ARHGAP32: variants seen among roughly 807,000 people sequenced by gnomAD.
The protein encoded by ARHGAP32 is Rho GTPase activating protein 32, also known as rho GTPase-activating protein 32.
A neutral mutation model predicts 186.5 loss-of-function variants in ARHGAP32; 51 were observed. That is an observed-to-expected ratio of 0.27 (90% CI 0.22 to 0.35). The LOEUF (loss-of-function observed/expected upper bound fraction) is 0.35, where lower values mean the gene tolerates loss of function less well. ARHGAP32 is among the 10% of genes least tolerant of loss of function. The pLI, the probability that ARHGAP32 is intolerant of heterozygous loss-of-function variation, is 1.00. For synonymous variants in ARHGAP32, 950 were observed against 964.3 expected, an observed-to-expected ratio of 0.99 and a Z score of 0.27; for missense variants, 2,186 against 2,623.5, an observed-to-expected ratio of 0.83 and a Z score of 3.64.
At chr11:129,107,697 C>T (rs1026682026) in intron 5 of ARHGAP32, among the ~76,000 whole-genome samples, 1 of 151,876 alleles carries the variant, frequency 6.6e-6, no homozygotes, top group Non-Finnish European at 1.5e-5. Flanking sequence ...GGAGAAACCC[C>T]GTCTCTACTA....
At chr11:129,033,336 C>T (rs79006599) in intron 11 of ARHGAP32, among the ~76,000 whole-genome samples, 2,059 of 152,190 alleles carry the variant, frequency 0.014, 21 homozygotes, top group South Asian at 0.031. Flanking sequence ...ATAGATAATG[C>T]CAATGATTGT....
At chr11:129,191,338 G>A (rs1218621779) in intron 1 of ARHGAP32, among the ~76,000 whole-genome samples, 1 of 152,114 alleles carries the variant, frequency 6.6e-6, no homozygotes, top group Non-Finnish European at 1.5e-5. Flanking sequence ...AAAAAGAAAA[G>A]CCAGAATAAA....
At chr11:129,064,816 TC>T (rs1192191144) in intron 8 of ARHGAP32, 24 bp downstream of exon 8, 1 of 1,520,376 alleles carries the variant, frequency 6.6e-7, no homozygotes, top group South Asian at 1.2e-5. Flanking sequence ...TATACATTTT[TC>T]ATGAAAAGTG....
rs897748919 is a variant in ARHGAP32 at position 128,968,721 on chromosome 11, T to C, written c.*186A>G. 8.6e-6 allele frequency: 4 copies of C among 463,706 alleles called. No homozygotes were observed. Among genetic ancestry groups the C allele is most frequent in the Non-Finnish European group, 1.4e-5 (4 of 281,606 alleles). 28.7% of individuals were successfully genotyped at this position (463,706 alleles called of 1,614,324 possible). ...CTAAAGACAAAAATGACAAAGTCTA[T>C]AGATGGAAGAGGGGGTAATGAAGCA... On this transcript the variant is annotated 3_prime_UTR_variant, in exon 23 of 23. Transcript: ENST00000682385.
intron 1 of ARHGAP32, among the ~76,000 whole-genome samples, chr11:129,236,599 T>C: frequency 6.6e-6 from 1 of 152,218 alleles, no homozygotes. Context: ...TCATGATGTC[T>C]TTGCATCCTG....
intron 1 of ARHGAP32, among the ~76,000 whole-genome samples, chr11:129,269,489 G>A (rs1461940968): frequency 2.6e-5 from 4 of 152,102 alleles, no homozygotes. Context: ...CACTTTGAGA[G>A]GCTGAGGCAG....
In ARHGAP32 at chr11:128,980,712, G is replaced by A; in HGVS notation, c.1817C>T (p.Ser606Phe). 6.2e-7 allele frequency: 1 copy of A among 1,613,768 alleles called. No homozygotes were observed. The highest frequency in any genetic ancestry group is 8.5e-7 in the Non-Finnish European group (1 of 1,179,808). ...CAATGTCAGCAGTTTGGTGGATGGAGAGGATACCAGGAGGGACTTGGGCCT... is the reference window on the plus strand; with the variant it reads ...CAATGTCAGCAGTTTGGTGGATGGAAAGGATACCAGGAGGGACTTGGGCCT... The part of the protein sequence containing the change: ...LSRPKSLLVS[S>F]PSTKLLTLEE... The change falls in exon 18 of 23, where the codon TCT (serine) becomes TTT (phenylalanine). Residue 606 changes from serine to phenylalanine, a missense_variant. Ser to Phe is a radical substitution (Grantham distance 155). This residue lies in a region of ARHGAP32 where 263 missense variants were observed against 323.5 expected (regional missense o/e 0.81). Coordinates refer to ENST00000682385, the MANE Select transcript of ARHGAP32 (RefSeq NM_001378024.1).
chr11:129,143,165 A>G (rs1943097515), intron 2 of ARHGAP32, among the ~76,000 whole-genome samples: 1 of 151,124 alleles, frequency 6.6e-6, no homozygotes. Context: ...AGTTTCCTGC[A>G]GTTTAACCAT....
At chr11:129,040,186 C>G (rs1939535235) in intron 11 of ARHGAP32, among the ~76,000 whole-genome samples, 1 of 151,446 alleles carries the variant, frequency 6.6e-6, no homozygotes, top group Non-Finnish European at 1.5e-5. Flanking sequence ...ATAAGGTAAA[C>G]AGTTCAAATT....
chr11:129,208,929 C>A (rs991540463), intron 1 of ARHGAP32, among the ~76,000 whole-genome samples: 30 of 151,932 alleles, frequency 2.0e-4, no homozygotes, highest in Admixed American at 1.8e-3. Context: ...CACTATAATC[C>A]TTCAATAACT....
At chr11:129,095,585 G>A (rs1225738809) in intron 5 of ARHGAP32, among the ~76,000 whole-genome samples, 1 of 152,172 alleles carries the variant, frequency 6.6e-6, no homozygotes, top group Non-Finnish European at 1.5e-5. Context: ...TGGGAGCAGG[G>A]CAGTGAAACA....
intron 11 of ARHGAP32, among the ~76,000 whole-genome samples, chr11:129,022,603 T>C (rs1938643666): frequency 6.6e-6 from 1 of 152,226 alleles, no homozygotes. Flanking sequence ...AAGGTTACTA[T>C]GATGCTTACA....
rs1945202069 is a variant in ARHGAP32, at chr11:128,965,473, GCTAT to G, written c.*3430_*3433del. 2 of 152,140 alleles carry G rather than the reference GCTAT, an allele frequency of 1.3e-5. No individual in the cohort carries two copies. The highest frequency in any genetic ancestry group is 4.8e-5 in the African/African-American group (2 of 41,426). 9.4% of individuals were successfully genotyped at this position (152,140 alleles called of 1,614,324 possible). ...GGTCATGGTTGAAAAATCAGGTTTT[GCTAT>G]CTCAGAATCTAAACTGTAAAACCAT... On this transcript the variant is annotated 3_prime_UTR_variant, in exon 23 of 23. Transcript: ENST00000682385.
chr11:129,079,337 G>A (rs960162379), intron 6 of ARHGAP32, among the ~76,000 whole-genome samples: 7 of 152,082 alleles, frequency 4.6e-5, no homozygotes, highest in Admixed American at 1.3e-4. Context: ...AACCATAAGA[G>A]CTGTGAGGCA....
At chr11:129,093,780 T>C (rs1941651530) in intron 5 of ARHGAP32, 73 bp from the exon 6 acceptor site, 1 of 1,029,856 alleles carries the variant, frequency 9.7e-7, no homozygotes, top group Non-Finnish European at 1.5e-6. Flanking sequence ...TAAGCATTCA[T>C]AATACCTGGA....
At chr11:129,099,897 AG>A (rs1264597292) in intron 5 of ARHGAP32, among the ~76,000 whole-genome samples, 1 of 152,032 alleles carries the variant, frequency 6.6e-6, no homozygotes, top group Non-Finnish European at 1.5e-5. Context: ...GCTAGGCTGA[AG>A]GGGGAGAAAG....
At chr11:129,232,892 T>A (rs1944877188) in intron 1 of ARHGAP32, among the ~76,000 whole-genome samples, 1 of 152,180 alleles carries the variant, frequency 6.6e-6, no homozygotes, top group African/African-American at 2.4e-5. Context: ...AACTTCTCTT[T>A]TACTTCCCTC....
chr11:129,063,089 GT>G lies in ARHGAP32; in HGVS notation c.886-733del, dbSNP rs144635858. On this transcript the variant is annotated intron_variant, in intron 9 of 22. Coordinates refer to ENST00000682385, the MANE Select transcript of ARHGAP32 (RefSeq NM_001378024.1). ...ATGCTGATATCTATGATAAAACATA[GT>G]TAAGAACTTCAGAGCAATGTTACTA... 4.5e-4 allele frequency among the ~76,000 whole-genome samples: 60 copies of G among 134,594 alleles called. No homozygotes were observed. The East Asian group carries it at 0.012, about 28-fold the overall frequency. 88.3% of individuals were successfully genotyped at this position (134,594 alleles called of 152,430 possible). A position where few individuals can be genotyped will look rare whatever the true frequency, so the allele number is the denominator to read the frequency against.
intron 1 of ARHGAP32, among the ~76,000 whole-genome samples, chr11:129,191,262 C>A (rs1302961135): frequency 6.6e-6 from 1 of 151,804 alleles, no homozygotes; most frequent in Non-Finnish European, 1.5e-5. Flanking sequence ...TATGCAGCAA[C>A]AAACTTCAAA....
Sources: allele counts gnomAD v4.1 joint callset (sites outside exome capture counted in the v4.1 genomes callset), GRCh38; gene constraint gnomAD v4.1.1; regional missense constraint gnomAD v4.1.1; transcripts MANE v1.5; gene names NCBI Gene and HGNC (gene_info 2026-07-23, HGNC 2026-07-21).